ESD: variants seen among roughly 807,000 people sequenced by gnomAD.
ESD encodes the protein S-formylglutathione hydrolase.
ESD carries 34 observed loss-of-function variants against 38.1 expected under a neutral mutation model. The ratio of observed to expected loss-of-function variants is 0.89; its 90% CI spans 0.68 to 1.19. ESD has a LOEUF of 1.19. ESD is among the 50% of genes most tolerant of loss of function. The probability of loss-of-function intolerance (pLI) is 0.00; values close to 1 mark genes in which losing one functional copy is unlikely to be tolerated. For missense variants in ESD, 334 were observed against 327.2 expected (o/e 1.02, Z -0.16); for synonymous variants, 97 against 107.0 (o/e 0.91, Z 0.58).
chr13:46,775,489 T>C (rs142799421), intron 9 of ESD: 4 of 343,492 alleles, frequency 1.2e-5, no homozygotes, highest in African/African-American at 2.2e-5. Flanking sequence ...GAAATACAGT[T>C]ATACTATACT....
intron 3 of ESD, among the ~76,000 whole-genome samples, chr13:46,787,542 A>G (rs1566282459): frequency 1.3e-5 from 2 of 151,968 alleles, no homozygotes; most frequent in Non-Finnish European, 2.9e-5. Flanking sequence ...TTCATCACTA[A>G]TATTTTATCA....
intron 4 of ESD, among the ~76,000 whole-genome samples, chr13:46,784,684 A>AT (rs545032101): frequency 6.6e-6 from 1 of 151,708 alleles, no homozygotes; most frequent in Non-Finnish European, 1.5e-5. Flanking sequence ...TGGTATTATT[A>AT]TTTTTTTTGC....
chr13:46,771,807 G>C (rs929195977), intron 9 of ESD, among the ~76,000 whole-genome samples: 1 of 152,052 alleles, frequency 6.6e-6, no homozygotes, highest in Non-Finnish European at 1.5e-5. Context: ...AATATGCAGA[G>C]TAGACATGTC....
rs1357129958 is a variant in ESD, at chr13:46,784,350, C to A, written c.158G>T (p.Gly53Val). 3 of 1,599,718 alleles carry A rather than the reference C, an allele frequency of 1.9e-6. No individual in the cohort carries two copies. Among genetic ancestry groups the A allele is most frequent in the Non-Finnish European group, 1.7e-6 (2 of 1,169,954 alleles). Residue 53 changes from glycine to valine, a missense_variant and splice_region_variant, in exon 5 of 10, where the codon GGT (glycine) becomes GTT (valine). Gly to Val is a moderately radical substitution (Grantham distance 109). Transcript: ENST00000378720. ...AAAATTTTGCTCTGTGCAAGTTAAA[C>A]CTGAAGATAAAAAATATTGTTATTG... ...GKCPALYWLS[G>V]LTCTEQNFIS...
chr13:46,786,608 G>C (rs959304307), intron 4 of ESD, among the ~76,000 whole-genome samples: 1 of 151,918 alleles, frequency 6.6e-6, no homozygotes, highest in African/African-American at 2.4e-5. Flanking sequence ...ATATTTTAGA[G>C]AACACTGTAA....
Position 46,784,256 on chromosome 13 carries a change from G to A in ESD, c.252C>T (p.Ser84=), listed in dbSNP as rs1875112142. ...HGLVVIAPDT[S]PRGCNIKGED... The stretch of plus-strand genomic sequence containing the variant: ...ATCTAGACCACAAACACTTACGAGG[G>A]CTGGTATCTGGAGCAATGACAACAA... The change falls in exon 5 of 10, where the codon AGC becomes AGT. Residue 84 remains serine (S), a synonymous_variant. Transcript: ENST00000378720. 6.2e-7 allele frequency: 1 copy of A among 1,609,430 alleles called. No individual in the cohort carries two copies. The highest frequency in any genetic ancestry group is 1.3e-5 in the African/African-American group (1 of 74,700).
At chr13:46,778,688 C>T (rs1874890253) in intron 8 of ESD, among the ~76,000 whole-genome samples, 1 of 151,736 alleles carries the variant, frequency 6.6e-6, no homozygotes, top group African/African-American at 2.4e-5. Flanking sequence ...AGCTCAGAAC[C>T]TAGCATAGAC....
At chr13:46,794,828 C>G (rs772285348) in intron 1 of ESD, among the ~76,000 whole-genome samples, 16 of 150,950 alleles carry the variant, frequency 1.1e-4, no homozygotes, top group Non-Finnish European at 2.2e-4. Context: ...GGCTTCTTCC[C>G]TTTCACTCTG....
intron 9 of ESD, among the ~76,000 whole-genome samples, chr13:46,774,420 A>C (rs1029303008): frequency 1.3e-5 from 2 of 152,206 alleles, no homozygotes; most frequent in Non-Finnish European, 2.9e-5. Flanking sequence ...TCTATTTATC[A>C]GTCTTATTAA....
chr13:46,772,053 C>T (rs1028445473), intron 9 of ESD, among the ~76,000 whole-genome samples: 7 of 152,068 alleles, frequency 4.6e-5, no homozygotes, highest in African/African-American at 1.4e-4. Flanking sequence ...AGAAAAAGAA[C>T]ATAAAAATGC....
chr13:46,794,166 A>G (rs1875496235), intron 1 of ESD, among the ~76,000 whole-genome samples: 1 of 151,802 alleles, frequency 6.6e-6, no homozygotes, highest in Non-Finnish European at 1.5e-5. Flanking sequence ...CCAAAAAACA[A>G]CAACAACAAC....
rs1163985354 is a variant in ESD, at chr13:46,789,991, C to CAT, written c.68+1353_68+1354dup. ...TAACCATGCCTGGCTAATTTTTGTA[C>CAT]ATATATATATATATATATTTTTTTT... On this transcript the variant is annotated intron_variant, in intron 3 of 9. Transcript: ENST00000378720. 9.2e-3 allele frequency among the ~76,000 whole-genome samples: 1,287 copies of CAT among 140,274 alleles called. 22 individuals are homozygous for CAT. Among genetic ancestry groups the CAT allele is most frequent in the African/African-American group, 0.031 (1,147 of 36,426 alleles). The allele number at this position is 140,274 out of a possible 152,430, so 92.0% of individuals were successfully genotyped here.
At chr13:46,774,206 C>T (rs1344197269) in intron 9 of ESD, among the ~76,000 whole-genome samples, 2 of 151,998 alleles carry the variant, frequency 1.3e-5, no homozygotes, top group African/African-American at 2.4e-5. Flanking sequence ...TATTGCAAGA[C>T]AAGACATCTA....
intron 9 of ESD, 72 bp from the exon 10 acceptor site, chr13:46,771,568 T>A: frequency 2.1e-6 from 2 of 937,674 alleles, no homozygotes; most frequent in Admixed American, 2.2e-5. Context: ...ATTAAATATA[T>A]CTCTAAGGTC....
chr13:46,790,420 A>G (rs1350654833), intron 3 of ESD, among the ~76,000 whole-genome samples: 2 of 152,134 alleles, frequency 1.3e-5, no homozygotes, highest in Non-Finnish European at 2.9e-5. Flanking sequence ...TGGGCTACTC[A>G]AACTCCCCAC....
intron 3 of ESD, 67 bp downstream of exon 3, chr13:46,791,279 G>A: frequency 8.2e-7 from 1 of 1,215,758 alleles, no homozygotes; most frequent in Non-Finnish European, 1.2e-6. Flanking sequence ...ATAAAGATTG[G>A]TTTTAAAATA....
intron 4 of ESD, 21 bp from the exon 5 acceptor site, chr13:46,784,371 T>A: frequency 6.6e-7 from 1 of 1,513,844 alleles, no homozygotes. Context: ...AAAATATTGT[T>A]ATTGGGCACA....
chr13:46,781,453 A>T, intron 7 of ESD, 43 bp downstream of exon 7: 1 of 1,503,116 alleles, frequency 6.7e-7, no homozygotes, highest in Non-Finnish European at 9.1e-7. Context: ...ATATTATGTT[A>T]TTCAAGAGAA....
chr13:46,791,308 G>T, intron 3 of ESD, 38 bp downstream of exon 3: 2 of 1,421,802 alleles, frequency 1.4e-6, no homozygotes, highest in Non-Finnish European at 2.0e-6. Flanking sequence ...TAATCCAACA[G>T]AATGAGGTAT....
Sources: allele counts gnomAD v4.1 joint callset (sites outside exome capture counted in the v4.1 genomes callset), GRCh38; gene constraint gnomAD v4.1.1; transcripts MANE v1.5; gene names NCBI Gene and HGNC (gene_info 2026-07-23, HGNC 2026-07-21).